Variants in CHRNA5 observed in about 807,000 individuals in gnomAD.
CHRNA5 encodes cholinergic receptor nicotinic alpha 5 subunit.
Under a neutral mutation model 41.2 loss-of-function variants are expected in CHRNA5, and 28 were observed. The ratio of observed to expected loss-of-function variants is 0.68; its 90% CI spans 0.50 to 0.93. The LOEUF is 0.93. Among genes scored for constraint, CHRNA5 ranks in the 40% least tolerant of loss-of-function variants. The pLI is 0.00. For synonymous variants in CHRNA5, 188 were observed against 205.8 expected, an observed-to-expected ratio of 0.91 and a Z score of 0.74; for missense variants, 481 against 581.9, an observed-to-expected ratio of 0.83 and a Z score of 1.78.
exon 6 of CHRNA5, chr15:78,595,196 C>G (rs1044851262): frequency 1.4e-6 from 1 of 728,626 alleles, no homozygotes; most frequent in Non-Finnish European, 1.7e-6. Context: ...TACCTTAGTT[C>G]GTATACATCC....
At chr15:78,577,274 G>A (rs1434675415) in intron 1 of CHRNA5, among the ~76,000 whole-genome samples, 4 of 152,302 alleles carry the variant, frequency 2.6e-5, no homozygotes, top group South Asian at 2.1e-4. Context: ...ATGAGGGGAT[G>A]CATTGGATTG....
chr15:78,569,933 C>T (rs1393397583), intron 1 of CHRNA5, among the ~76,000 whole-genome samples: 1 of 151,862 alleles, frequency 6.6e-6, no homozygotes, highest in African/African-American at 2.4e-5. Context: ...GATTCTCCTG[C>T]CTCAGCCTCC....
chr15:78,588,993 T>C lies in CHRNA5; in HGVS notation c.413+570T>C, dbSNP rs1165915317. ...GAATTTGTGCTTATCTTAAAGCACT[T>C]TGTCTGATTCGAAAGAAGGCCATTT... On this transcript the variant is annotated intron_variant, in intron 4 of 5. Coordinates refer to ENST00000299565, the Ensembl canonical transcript of CHRNA5. This position sits in a 1 kb window ranked among gnomAD's most constrained non-coding sequence, Gnocchi z 4.1. The C allele has an allele frequency of 6.6e-6, 1 of 152,190 alleles. No individual in the cohort carries two copies. The highest frequency in any genetic ancestry group is 1.9e-4 in the East Asian group (1 of 5,192). 9.4% of individuals were successfully genotyped at this position (152,190 alleles called of 1,614,324 possible).
intron 2 of CHRNA5, among the ~76,000 whole-genome samples, chr15:78,581,843 A>G (rs2052915543): frequency 6.6e-6 from 1 of 152,182 alleles, no homozygotes; most frequent in African/African-American, 2.4e-5. Context: ...CTTTTTCTCT[A>G]CTATGACATG....
chr15:78,566,855 A>G (rs1438492216), intron 1 of CHRNA5, among the ~76,000 whole-genome samples: 6 of 152,220 alleles, frequency 3.9e-5, no homozygotes, highest in African/African-American at 1.4e-4. Context: ...AGAGAGTTAA[A>G]CAGAAAGAAA....
intron 2 of CHRNA5, among the ~76,000 whole-genome samples, chr15:78,585,362 C>G (rs2052949572): frequency 6.6e-6 from 1 of 152,166 alleles, no homozygotes; most frequent in Admixed American, 6.5e-5. Flanking sequence ...CTTCTGGTCT[C>G]TTCCTTTGTC....
chr15:78,565,738 G>A, exon 1 of CHRNA5: 1 of 1,191,862 alleles, frequency 8.4e-7, no homozygotes, highest in Non-Finnish European at 1.0e-6. Flanking sequence ...GCGGGGGTCA[G>A]GGCCCCGCGC....
At chr15:78,589,861 C>G in exon 5 of CHRNA5, 1 of 1,613,212 alleles carries the variant, frequency 6.2e-7, no homozygotes, top group Non-Finnish European at 8.5e-7. Context: ...TACAATGGCA[C>G]TGTCACCTGG....
At chr15:78,566,486 T>C (rs1353953987) in intron 1 of CHRNA5, among the ~76,000 whole-genome samples, 22 of 152,324 alleles carry the variant, frequency 1.4e-4, no homozygotes. Context: ...TAGTCCTACA[T>C]GTTTCAAGTG....
intron 1 of CHRNA5, among the ~76,000 whole-genome samples, chr15:78,578,950 T>G (rs1055160117): frequency 6.6e-6 from 1 of 152,218 alleles, no homozygotes; most frequent in Non-Finnish European, 1.5e-5. Flanking sequence ...CAGAGATGCT[T>G]ATTTGAGCTC....
intron 1 of CHRNA5, among the ~76,000 whole-genome samples, chr15:78,576,480 AAAATT>A (rs2052857874): frequency 6.6e-6 from 1 of 152,190 alleles, no homozygotes; most frequent in African/African-American, 2.4e-5. Context: ...GAAGGGAAGA[AAAATT>A]AAAATGTAAT....
chr15:78,590,205 T>G (rs2052998955), exon 5 of CHRNA5: 1 of 1,614,050 alleles, frequency 6.2e-7, no homozygotes, highest in East Asian at 2.2e-5. Context: ...TGTACTTGTC[T>G]TCTATCTTCC....
chr15:78,571,886 TATA>T (rs1414497683), intron 1 of CHRNA5, among the ~76,000 whole-genome samples: 1 of 152,190 alleles, frequency 6.6e-6, no homozygotes, highest in East Asian at 1.9e-4. Context: ...AAATGTTGGA[TATA>T]ATACACATTT....
At chr15:78,569,304 A>G (rs1237173902) in intron 1 of CHRNA5, among the ~76,000 whole-genome samples, 1 of 152,122 alleles carries the variant, frequency 6.6e-6, no homozygotes, top group African/African-American at 2.4e-5. Flanking sequence ...TAGTTCAGTA[A>G]TTTCAGTACA....
At chr15:78,587,135 A>G (rs1283575033) in intron 3 of CHRNA5, among the ~76,000 whole-genome samples, 1 of 152,190 alleles carries the variant, frequency 6.6e-6, no homozygotes, top group East Asian at 1.9e-4. Flanking sequence ...GAGCATGTTC[A>G]GGGGAACTGC....
chr15:78,590,824 A>G (rs966268638), intron 5 of CHRNA5, 188 bp downstream of exon 5: 4 of 571,172 alleles, frequency 7.0e-6, no homozygotes, highest in Non-Finnish European at 1.2e-5. Context: ...AGCACCTGCA[A>G]AATGGGGCAT....
chr15:78,574,237 G>A (rs915750089), intron 1 of CHRNA5, among the ~76,000 whole-genome samples: 2 of 151,180 alleles, frequency 1.3e-5, no homozygotes, highest in Admixed American at 6.6e-5. Flanking sequence ...AAAATTATCC[G>A]GGCGTGGTGG....
At chr15:78,579,295 C>T (rs1198545752) in intron 1 of CHRNA5, among the ~76,000 whole-genome samples, 1 of 152,078 alleles carries the variant, frequency 6.6e-6, no homozygotes, top group East Asian at 1.9e-4. Context: ...GCTCTGTTGG[C>T]CACGCTGGAG....
intron 2 of CHRNA5, among the ~76,000 whole-genome samples, chr15:78,585,039 C>T (rs56390833): frequency 6.6e-6 from 1 of 151,922 alleles, no homozygotes; most frequent in African/African-American, 2.4e-5. Context: ...CCCACCTCAG[C>T]CTCCTGAGTA....
Sources: gnomAD v4.1 joint callset for allele counts (sites outside exome capture counted in the v4.1 genomes callset) on GRCh38, gnomAD v4.1.1 for gene constraint, Gnocchi (gnomAD v3.1) non-coding constraint, MANE v1.5 for transcripts, NCBI Gene and HGNC (gene_info 2026-07-23, HGNC 2026-07-21) for gene names.